Variants in MIPOL1 observed in about 807,000 individuals in gnomAD.
The protein encoded by MIPOL1 is mirror-image polydactyly gene 1 protein.
A neutral mutation model predicts 60.9 loss-of-function variants in MIPOL1; 57 were observed. The ratio of observed to expected loss-of-function variants is 0.94; its 90% CI spans 0.76 to 1.17. The LOEUF (loss-of-function observed/expected upper bound fraction) is 1.17. Ranked by LOEUF, MIPOL1 falls within the 50% of genes most tolerant of loss-of-function variation. The pLI, the probability that MIPOL1 is intolerant of heterozygous loss-of-function variation, is 0.00. For missense variants in MIPOL1, 551 were observed against 511.6 expected (o/e 1.08, Z -0.74); for synonymous variants, 179 against 168.8 (o/e 1.06, Z -0.47).
chr14:37,381,233 C>T (rs1009455843), intron 10 of MIPOL1, among the ~76,000 whole-genome samples: 10 of 152,084 alleles, frequency 6.6e-5, no homozygotes, highest in African/African-American at 2.2e-4. Context: ...TACTATCTTC[C>T]TCCTTACCTT....
intron 11 of MIPOL1, among the ~76,000 whole-genome samples, chr14:37,451,369 A>C (rs1240398543): frequency 2.6e-5 from 4 of 152,156 alleles, no homozygotes; most frequent in African/African-American, 9.7e-5. Flanking sequence ...TGTTTCTTCT[A>C]CTTGTGTTTT....
intron 11 of MIPOL1, 104 bp downstream of exon 11, chr14:37,423,053 A>G: frequency 1.4e-6 from 1 of 691,324 alleles, no homozygotes. Context: ...ATGAAATTAA[A>G]TATTATGCAC....
intron 11 of MIPOL1, among the ~76,000 whole-genome samples, chr14:37,432,609 C>CT (rs894400076): frequency 1.8e-4 from 26 of 145,494 alleles, no homozygotes; most frequent in Non-Finnish European, 2.7e-4. Context: ...AAAAAAATTT[C>CT]TTTTTTTTTT....
intron 3 of MIPOL1, among the ~76,000 whole-genome samples, chr14:37,256,396 G>T (rs1037753468): frequency 6.6e-6 from 1 of 151,854 alleles, no homozygotes; most frequent in Non-Finnish European, 1.5e-5. Context: ...TGGATATTCT[G>T]TGTCCTTTCC....
At position 37,247,838 on chromosome 14, in the gene MIPOL1, T is replaced by C. The variant is rs1379775391; in HGVS notation, c.-51T>C. ...GTTGGCTTTATTTTAGCTGCAAATC[T>C]TGGAGCAAAAACCAGAGACATTGCC... On this transcript the variant is annotated 5_prime_UTR_variant, in exon 3 of 13. Coordinates refer to ENST00000684589, the MANE Select transcript of MIPOL1 (RefSeq NM_001388067.1). The C allele has an allele frequency of 3.1e-6, 5 of 1,608,280 alleles. No homozygotes were observed. The highest frequency in any genetic ancestry group is 4.3e-6 in the Non-Finnish European group (5 of 1,176,424).
At chr14:37,246,898 A>T (rs1172261466) in intron 1 of MIPOL1, among the ~76,000 whole-genome samples, 4 of 152,126 alleles carry the variant, frequency 2.6e-5, no homozygotes, top group African/African-American at 9.7e-5. Context: ...TTTAAATAGT[A>T]TATTACTAAG....
intron 10 of MIPOL1, among the ~76,000 whole-genome samples, chr14:37,392,850 T>C (rs1566508034): frequency 6.6e-6 from 1 of 152,290 alleles, no homozygotes; most frequent in South Asian, 2.1e-4. Context: ...ATTAAAGTCT[T>C]GTGCAACCTG....
chr14:37,402,336 G>A (rs201599934), intron 10 of MIPOL1, among the ~76,000 whole-genome samples: 11 of 152,064 alleles, frequency 7.2e-5, no homozygotes, highest in African/African-American at 1.7e-4. Context: ...GGAGATAAAC[G>A]TACCCCAAAA....
At chr14:37,538,401 G>A (rs972671124) in intron 12 of MIPOL1, among the ~76,000 whole-genome samples, 2 of 152,038 alleles carry the variant, frequency 1.3e-5, no homozygotes, top group Non-Finnish European at 2.9e-5. Flanking sequence ...TTCTTTCCCA[G>A]TCAACATTTT....
intron 3 of MIPOL1, among the ~76,000 whole-genome samples, chr14:37,259,796 G>A (rs1487592828): frequency 6.6e-6 from 1 of 152,036 alleles, no homozygotes; most frequent in Non-Finnish European, 1.5e-5. Context: ...TGTTTGATGA[G>A]CTTATGAGAA....
At chr14:37,485,899 C>T in intron 11 of MIPOL1, among the ~76,000 whole-genome samples, 1 of 152,132 alleles carries the variant, frequency 6.6e-6, no homozygotes, top group East Asian at 1.9e-4. Context: ...GTCATGAAGT[C>T]TTTGCCCATG....
intron 11 of MIPOL1, among the ~76,000 whole-genome samples, chr14:37,475,622 A>C (rs2153593730): frequency 6.6e-6 from 1 of 151,776 alleles, no homozygotes; most frequent in Non-Finnish European, 1.5e-5. Flanking sequence ...CTTTGTCTAG[A>C]TTCATTTTTT....
At chr14:37,543,451 AT>A (rs2095537271) in intron 12 of MIPOL1, among the ~76,000 whole-genome samples, 1 of 151,508 alleles carries the variant, frequency 6.6e-6, no homozygotes, top group Non-Finnish European at 1.5e-5. Context: ...AATTTTTTTT[AT>A]TTTTAGTAGA....
At chr14:37,220,072 T>C (rs1248095912) in intron 1 of MIPOL1, among the ~76,000 whole-genome samples, 2 of 152,198 alleles carry the variant, frequency 1.3e-5, no homozygotes, top group Non-Finnish European at 2.9e-5. Flanking sequence ...CCTTTTGTTA[T>C]TTTAAATAAC....
chr14:37,342,816 T>C (rs1473302651), intron 9 of MIPOL1, among the ~76,000 whole-genome samples: 1 of 152,142 alleles, frequency 6.6e-6, no homozygotes. Flanking sequence ...TACATCTTGG[T>C]ATCTTTAATA....
intron 7 of MIPOL1, among the ~76,000 whole-genome samples, chr14:37,288,725 C>T (rs1265011415): frequency 6.6e-6 from 1 of 151,662 alleles, no homozygotes; most frequent in East Asian, 1.9e-4. Flanking sequence ...GTGGGAGGAT[C>T]GCTTGAGCCT....
intron 3 of MIPOL1, among the ~76,000 whole-genome samples, chr14:37,258,954 T>C (rs570345852): frequency 1.3e-5 from 2 of 152,084 alleles, no homozygotes; most frequent in African/African-American, 4.8e-5. Context: ...AGCCAATAGA[T>C]AGTTTGAAAC....
At chr14:37,455,342 C>T (rs2094465431) in intron 11 of MIPOL1, among the ~76,000 whole-genome samples, 1 of 152,276 alleles carries the variant, frequency 6.6e-6, no homozygotes, top group East Asian at 1.9e-4. Flanking sequence ...AATTTCTCTA[C>T]ACCTGATTTT....
chr14:37,374,596 T>C (rs180808597), intron 10 of MIPOL1, among the ~76,000 whole-genome samples: 18 of 152,296 alleles, frequency 1.2e-4, no homozygotes, highest in African/African-American at 2.9e-4. Flanking sequence ...TTCAGTTTTC[T>C]GCATATGGCT....
Sources: allele counts gnomAD v4.1 joint callset (sites outside exome capture counted in the v4.1 genomes callset), GRCh38; gene constraint gnomAD v4.1.1; transcripts MANE v1.5; gene names NCBI Gene and HGNC (gene_info 2026-07-23, HGNC 2026-07-21).